GALNT13: variants seen among roughly 807,000 people sequenced by gnomAD.
The protein encoded by GALNT13 is polypeptide N-acetylgalactosaminyltransferase 13.
A neutral mutation model predicts 64.2 loss-of-function variants in GALNT13; 28 were observed. That is an observed-to-expected ratio of 0.44 (90% CI 0.32 to 0.60). The LOEUF (loss-of-function observed/expected upper bound fraction) is 0.60, where lower values mean the gene tolerates loss of function less well. Among genes scored for constraint, GALNT13 ranks in the 20% least tolerant of loss-of-function variants. The probability of loss-of-function intolerance (pLI) is 0.05; values close to 1 mark genes in which losing one functional copy is unlikely to be tolerated. For missense variants in GALNT13, 577 were observed against 669.8 expected, an observed-to-expected ratio of 0.86 and a Z score of 1.53; for synonymous variants, 214 against 224.6, an observed-to-expected ratio of 0.95 and a Z score of 0.42.
chr2:153,891,287 A>C (rs1368650339), intron 1 of GALNT13, among the ~76,000 whole-genome samples: 1 of 152,046 alleles, frequency 6.6e-6, no homozygotes, highest in Admixed American at 6.6e-5. Context: ...AGGTCAGTCA[A>C]ATTTTTATCT....
At chr2:154,083,264 C>T (rs967957083) in intron 3 of GALNT13, among the ~76,000 whole-genome samples, 6 of 151,430 alleles carry the variant, frequency 4.0e-5, no homozygotes, top group African/African-American at 1.5e-4. Flanking sequence ...CTATTCCACT[C>T]GTCTATATAT....
At chr2:153,830,107 C>T in the GALNT13 span, among the ~76,000 whole-genome samples, 1 of 152,026 alleles carries the variant, frequency 6.6e-6, no homozygotes, top group Non-Finnish European at 1.5e-5. Flanking sequence ...TTATGTATTA[C>T]CTAGACTCAT....
At chr2:153,350,291 A>G in the GALNT13 span, among the ~76,000 whole-genome samples, 84 of 152,232 alleles carry the variant, frequency 5.5e-4, no homozygotes, top group African/African-American at 2.0e-3. Context: ...CTCACAATTC[A>G]TCTTTTCAGA....
At chr2:153,686,730 G>A in the GALNT13 span, among the ~76,000 whole-genome samples, 1 of 151,962 alleles carries the variant, frequency 6.6e-6, no homozygotes, top group Non-Finnish European at 1.5e-5. Context: ...GTTTTCAAGG[G>A]GACTGCTTCC....
Position 154,119,036 on chromosome 2 carries a change from C to A in GALNT13, c.143-21301C>A, listed in dbSNP as rs1681774332. On this transcript the variant is annotated intron_variant, in intron 3 of 12. Transcript: ENST00000392825. ...CTCTGAAAATGTTGTTTTACTTATA[C>A]CATTAGGTTTTGTGCTTTTGTATGT... Among the ~76,000 whole-genome samples the A allele has an allele frequency of 2.6e-5, 4 of 151,996 alleles. No homozygotes were observed. The South Asian group carries it at 6.2e-4, about 24-fold the overall frequency.
the GALNT13 span, among the ~76,000 whole-genome samples, chr2:153,735,474 G>A: frequency 6.6e-6 from 1 of 152,078 alleles, no homozygotes; most frequent in Non-Finnish European, 1.5e-5. Context: ...AGCATGTTAT[G>A]ATGATACTGC....
the GALNT13 span, among the ~76,000 whole-genome samples, chr2:153,470,164 C>G: frequency 6.6e-6 from 1 of 152,150 alleles, no homozygotes; most frequent in African/African-American, 2.4e-5. Context: ...CATACTGTCT[C>G]TAGGCTTTGG....
the GALNT13 span, among the ~76,000 whole-genome samples, chr2:153,541,894 A>T: frequency 2.6e-5 from 4 of 152,198 alleles, no homozygotes; most frequent in African/African-American, 9.6e-5. Context: ...TGAAACTATG[A>T]TCAAATACAT....
the GALNT13 span, among the ~76,000 whole-genome samples, chr2:153,806,609 A>G: frequency 1.3e-5 from 2 of 151,816 alleles, no homozygotes; most frequent in African/African-American, 2.4e-5. Context: ...AAAGAAATCA[A>G]TATCATTATC....
chr2:153,469,232 T>A, the GALNT13 span, among the ~76,000 whole-genome samples: 2 of 152,098 alleles, frequency 1.3e-5, no homozygotes, highest in African/African-American at 4.8e-5. Context: ...CTGAGAACAC[T>A]GTGCCTCCAG....
chr2:153,561,499 T>C, the GALNT13 span, among the ~76,000 whole-genome samples: 8 of 152,242 alleles, frequency 5.3e-5, no homozygotes, highest in Admixed American at 3.3e-4. Context: ...AATAATGTTT[T>C]TGATGTGTTT....
intron 3 of GALNT13, among the ~76,000 whole-genome samples, chr2:154,126,083 G>C (rs1682243409): frequency 6.6e-6 from 1 of 152,040 alleles, no homozygotes; most frequent in Non-Finnish European, 1.5e-5. Flanking sequence ...TGTTTAGTTG[G>C]GTGTGGTTAC....
At chr2:153,634,542 CT>C in the GALNT13 span, among the ~76,000 whole-genome samples, 252 of 91,232 alleles carry the variant, frequency 2.8e-3, no homozygotes, top group African/African-American at 4.9e-3. Context: ...AGATGGAAAT[CT>C]TTTTTTTTTT....
chr2:153,607,433 T>C, the GALNT13 span, among the ~76,000 whole-genome samples: 1 of 152,132 alleles, frequency 6.6e-6, no homozygotes, highest in African/African-American at 2.4e-5. Flanking sequence ...AAAATCCATA[T>C]TGAATAAATT....
chr2:153,485,429 T>G, the GALNT13 span, among the ~76,000 whole-genome samples: 1 of 152,204 alleles, frequency 6.6e-6, no homozygotes, highest in African/African-American at 2.4e-5. Context: ...TTAAAAAACA[T>G]TTTTGATATT....
chr2:153,204,019 T>G, the GALNT13 span, among the ~76,000 whole-genome samples: 1 of 152,230 alleles, frequency 6.6e-6, no homozygotes, highest in African/African-American at 2.4e-5. Flanking sequence ...ATCAGTATCC[T>G]GTTGCATGCC....
the GALNT13 span, among the ~76,000 whole-genome samples, chr2:153,462,855 G>T: frequency 6.6e-6 from 1 of 152,024 alleles, no homozygotes; most frequent in Non-Finnish European, 1.5e-5. Context: ...CCAGAATACT[G>T]TTGCATGAAA....
At chr2:154,086,663 G>C (rs1701543856) in intron 3 of GALNT13, among the ~76,000 whole-genome samples, 1 of 151,798 alleles carries the variant, frequency 6.6e-6, no homozygotes, top group Non-Finnish European at 1.5e-5. Flanking sequence ...TTAAATCATA[G>C]GTCAGCTATT....
chr2:154,346,476 G>C (rs936730081), intron 9 of GALNT13, among the ~76,000 whole-genome samples: 8 of 151,984 alleles, frequency 5.3e-5, no homozygotes, highest in African/African-American at 1.9e-4. Context: ...ATTGAATCGT[G>C]GGCGTGGTTT....
Sources: gnomAD v4.1 joint callset for allele counts (sites outside exome capture counted in the v4.1 genomes callset) on GRCh38, gnomAD v4.1.1 for gene constraint, MANE v1.5 for transcripts, NCBI Gene and HGNC (gene_info 2026-07-23, HGNC 2026-07-21) for gene names.